The following PUM1 variants were observed in gnomAD, a reference collection of about 807,000 sequenced individuals.
PUM1 encodes pumilio RNA binding family member 1.
Under a neutral mutation model 131.8 loss-of-function variants are expected in PUM1, and 13 were observed. The observed-to-expected ratio is 0.10, with a 90% CI of 0.06 to 0.16. The LOEUF (loss-of-function observed/expected upper bound fraction) is 0.16. PUM1 is among the 10% of genes least tolerant of loss of function. The pLI, the probability that PUM1 is intolerant of heterozygous loss-of-function variation, is 1.00. For missense variants in PUM1, 961 were observed against 1,512.4 expected (o/e 0.64, Z 6.05); for synonymous variants, 509 against 556.5 (o/e 0.91, Z 1.20).
chr1:31,049,487 G>A (rs1644054980), intron 2 of PUM1, among the ~76,000 whole-genome samples: 1 of 151,200 alleles, frequency 6.6e-6, no homozygotes. Flanking sequence ...TTGCACTCCA[G>A]CCTGGGCAAC....
At chr1:31,025,089 A>C (rs1643173389) in intron 3 of PUM1, among the ~76,000 whole-genome samples, 1 of 152,208 alleles carries the variant, frequency 6.6e-6, no homozygotes, top group African/African-American at 2.4e-5. Flanking sequence ...ATCTTTTCCT[A>C]TCTTCTTTTT....
At chr1:31,007,978 C>T (rs1225146040) in intron 3 of PUM1, among the ~76,000 whole-genome samples, 1 of 152,132 alleles carries the variant, frequency 6.6e-6, no homozygotes, top group African/African-American at 2.4e-5. Flanking sequence ...ACTAAAATGC[C>T]CCCTCTTATT....
chr1:30,949,765 A>G (rs2124408102), intron 17 of PUM1, among the ~76,000 whole-genome samples: 1 of 152,330 alleles, frequency 6.6e-6, no homozygotes, highest in East Asian at 1.9e-4. Flanking sequence ...GGAGAGAAGG[A>G]GTAAAAAAAT....
chr1:31,010,832 T>G (rs930332631), intron 3 of PUM1, among the ~76,000 whole-genome samples: 1 of 152,222 alleles, frequency 6.6e-6, no homozygotes, highest in East Asian at 1.9e-4. Flanking sequence ...AGGAAAGTCA[T>G]GCCTAGGTTC....
chr1:30,944,419 C>A (rs1344646024), intron 18 of PUM1, among the ~76,000 whole-genome samples: 1 of 151,542 alleles, frequency 6.6e-6, no homozygotes, highest in Non-Finnish European at 1.5e-5. Flanking sequence ...AACAAACAAA[C>A]AAAAAAACAC....
At chr1:31,025,661 T>C (rs981334645) in intron 3 of PUM1, among the ~76,000 whole-genome samples, 2 of 149,854 alleles carry the variant, frequency 1.3e-5, no homozygotes, top group African/African-American at 2.5e-5. Flanking sequence ...GTTCAAGTGA[T>C]TCTCCTGCCT....
At position 31,006,097 on chromosome 1, in the gene PUM1, C is replaced by A; in HGVS notation, c.542-66G>T. Reference sequence around the variant, plus strand: ...GGCTCAAACAAATTATGAGTGATGTCTCATGGATAACCAATGGAATCAGGA... The same window carrying A: ...GGCTCAAACAAATTATGAGTGATGTATCATGGATAACCAATGGAATCAGGA... On this transcript the variant is annotated intron_variant, in intron 4 of 21. Coordinates refer to ENST00000426105, the MANE Select transcript of PUM1 (RefSeq NM_001020658.2). 2.2e-6 allele frequency: 3 copies of A among 1,373,304 alleles called. No homozygotes were observed. In the South Asian group the frequency reaches 4.6e-5, roughly 21 times the overall value. The allele number at this position is 1,373,304 out of a possible 1,614,324, so 85.1% of individuals were successfully genotyped here. A position where few individuals can be genotyped will look rare whatever the true frequency, so the allele number is the denominator to read the frequency against.
At chr1:31,059,023 C>A (rs1644314139) in intron 2 of PUM1, among the ~76,000 whole-genome samples, 181 bp downstream of exon 2, 1 of 152,130 alleles carries the variant, frequency 6.6e-6, no homozygotes, top group African/African-American at 2.4e-5. Flanking sequence ...TACTATTTAG[C>A]ACCAGAATGA....
rs770703187 is a variant in PUM1, at chr1:30,966,214, T to C, written c.1854A>G (p.Gly618=). 73 of 1,613,584 alleles carry C rather than the reference T, an allele frequency of 4.5e-5. No individual in the cohort carries two copies. The highest frequency in any genetic ancestry group is 6.1e-5 in the Non-Finnish European group (72 of 1,179,692). ...AAGGLAGTTN[G]PFRPLGTQQP... is the part of the protein sequence containing the mutation. ...GCTGTGTTCCTAAAGGGCGAAATGG[T>C]CCATTTGTTGTTCCAGCAAGACCAC... The change falls in exon 13 of 22, where the codon GGA becomes GGG. Residue 618 remains glycine, a synonymous_variant. Coordinates refer to ENST00000426105, the MANE Select transcript of PUM1 (RefSeq NM_001020658.2).
intron 4 of PUM1, 114 bp downstream of exon 4, chr1:31,006,880 G>C: frequency 1.4e-6 from 1 of 734,242 alleles, no homozygotes; most frequent in South Asian, 1.7e-5. Context: ...TACAGGAGAG[G>C]ACACTGCTTG....
chr1:31,042,496 C>T (rs750262134), intron 2 of PUM1, among the ~76,000 whole-genome samples: 6 of 152,208 alleles, frequency 3.9e-5, no homozygotes, highest in Middle Eastern at 3.4e-3. Flanking sequence ...TAAATAATTT[C>T]GATTTCCAAG....
intron 5 of PUM1, among the ~76,000 whole-genome samples, chr1:30,998,749 T>C (rs1642076972): frequency 6.6e-6 from 1 of 152,182 alleles, no homozygotes; most frequent in Non-Finnish European, 1.5e-5. Flanking sequence ...CTACCAAAAA[T>C]TTACAGTGAA....
At chr1:30,975,346 T>TG (rs1234000313) in intron 9 of PUM1, among the ~76,000 whole-genome samples, 1 of 122,244 alleles carries the variant, frequency 8.2e-6, no homozygotes, top group African/African-American at 2.9e-5. Context: ...TGTTACTGTT[T>TG]GTTTTTTTTG....
At chr1:30,972,952 G>T (rs6425693) in intron 10 of PUM1, 150,440 of 153,276 alleles carry the variant, frequency 0.98, 73,841 homozygotes, top group East Asian at 1. Flanking sequence ...TGGTGGTGGG[G>T]GCCTGTAATC....
intron 5 of PUM1, among the ~76,000 whole-genome samples, chr1:31,000,007 G>A (rs1404236385): frequency 3.9e-5 from 6 of 152,176 alleles, no homozygotes; most frequent in African/African-American, 1.4e-4. Context: ...GTTAGGCATC[G>A]CAATCTTTTT....
chr1:30,933,307 G>T lies in PUM1; in HGVS notation c.3471C>A (p.Thr1157=), dbSNP rs770789574. 7.4e-6 allele frequency: 12 copies of T among 1,613,786 alleles called. No individual in the cohort carries two copies. Among genetic ancestry groups the T allele is most frequent in the Non-Finnish European group, 1.0e-5 (12 of 1,179,746 alleles). The stretch of plus-strand genomic sequence containing the variant: ...GCTTGGCCAGAATGTGCTTGCCATA[G>T]GTGTACTTACGAAGAGTTGCGATGT... ...RPHIATLRKY[T]YGKHILAKLE... Residue 1157 remains threonine, a synonymous_variant, in exon 22 of 22, where the codon ACC becomes ACA. Transcript: ENST00000426105.
intron 14 of PUM1, among the ~76,000 whole-genome samples, chr1:30,958,992 G>A (rs750988448): frequency 3.5e-4 from 53 of 152,096 alleles, no homozygotes; most frequent in Non-Finnish European, 3.4e-4. Flanking sequence ...TATTAAAATA[G>A]TACATTTTAT....
At chr1:31,014,530 G>C (rs1393066609) in intron 3 of PUM1, among the ~76,000 whole-genome samples, 4 of 151,860 alleles carry the variant, frequency 2.6e-5, no homozygotes, top group African/African-American at 9.7e-5. Flanking sequence ...AAGTAGGCCT[G>C]TAATCTCAGC....
chr1:31,057,145 T>G (rs565377877), intron 2 of PUM1, among the ~76,000 whole-genome samples: 13 of 152,242 alleles, frequency 8.5e-5, no homozygotes, highest in African/African-American at 3.1e-4. Flanking sequence ...AGCTCACACT[T>G]GCAATCCCAG....
Sources: allele counts gnomAD v4.1 joint callset (sites outside exome capture counted in the v4.1 genomes callset), GRCh38; gene constraint gnomAD v4.1.1; transcripts MANE v1.5; gene names NCBI Gene and HGNC (gene_info 2026-07-23, HGNC 2026-07-21).